The following GPR158 variants were observed in gnomAD, a reference collection of about 807,000 sequenced individuals.
GPR158 encodes metabotropic glycine receptor.
A neutral mutation model predicts 78.2 loss-of-function variants in GPR158; 30 were observed. The ratio of observed to expected loss-of-function variants is 0.38; its 90% confidence interval spans 0.29 to 0.52. The LOEUF (loss-of-function observed/expected upper bound fraction) is 0.52, where lower values mean the gene tolerates loss of function less well. Ranked by LOEUF, GPR158 falls within the 20% of genes least tolerant of loss-of-function variation. The pLI is 0.83. For missense variants in GPR158, 1,463 were observed against 1,523.5 expected, an observed-to-expected ratio of 0.96 and a Z score of 0.66; for synonymous variants, 581 against 591.1, an observed-to-expected ratio of 0.98 and a Z score of 0.25.
At chr10:25,508,140 CTTTT>C (rs1006313933) in intron 5 of GPR158, among the ~76,000 whole-genome samples, 1 of 151,984 alleles carries the variant, frequency 6.6e-6, no homozygotes, top group African/African-American at 2.4e-5. Context: ...AGAATTTAAT[CTTTT>C]TATTTATTTA....
chr10:25,437,760 G>C (rs1202177955), intron 4 of GPR158, among the ~76,000 whole-genome samples: 1 of 152,144 alleles, frequency 6.6e-6, no homozygotes, highest in African/African-American at 2.4e-5. Flanking sequence ...GCTCAAGAAG[G>C]ATTGGAGATG....
At chr10:25,272,628 T>C (rs1340908475) in intron 2 of GPR158, among the ~76,000 whole-genome samples, 1 of 152,196 alleles carries the variant, frequency 6.6e-6, no homozygotes, top group Admixed American at 6.5e-5. Context: ...ATGGATTGCT[T>C]CTCCCAGGAG....
intron 5 of GPR158, among the ~76,000 whole-genome samples, chr10:25,491,362 G>A (rs1453384137): frequency 6.6e-6 from 1 of 152,100 alleles, no homozygotes; most frequent in Non-Finnish European, 1.5e-5. Flanking sequence ...CCTCTGCTAT[G>A]GTAATTTTGG....
At chr10:25,476,582 C>T (rs1835590047) in intron 5 of GPR158, among the ~76,000 whole-genome samples, 1 of 152,082 alleles carries the variant, frequency 6.6e-6, no homozygotes, top group South Asian at 2.1e-4. Flanking sequence ...TTTCTCCAGC[C>T]TCTTTATTTT....
At chr10:25,436,587 T>C (rs1305833507) in intron 4 of GPR158, among the ~76,000 whole-genome samples, 1 of 152,212 alleles carries the variant, frequency 6.6e-6, no homozygotes, top group Non-Finnish European at 1.5e-5. Context: ...ATCATTGTCA[T>C]GCTACAGAAT....
At chr10:25,526,079 C>A (rs1836342905) in intron 5 of GPR158, among the ~76,000 whole-genome samples, 1 of 138,782 alleles carries the variant, frequency 7.2e-6, no homozygotes, top group Admixed American at 7.8e-5. Context: ...TGCACTCCAG[C>A]CTGGGCGACA....
At chr10:25,277,277 G>A (rs1305898406) in intron 2 of GPR158, among the ~76,000 whole-genome samples, 5 of 151,938 alleles carry the variant, frequency 3.3e-5, no homozygotes, top group African/African-American at 1.2e-4. Context: ...TTTATTCTTT[G>A]TAAAGAAAAC....
chr10:25,505,114 C>G (rs1384703651), intron 5 of GPR158, among the ~76,000 whole-genome samples: 1 of 152,170 alleles, frequency 6.6e-6, no homozygotes, highest in Non-Finnish European at 1.5e-5. Context: ...AGAACTGTGC[C>G]TAACACATAA....
chr10:25,202,153 A>G (rs182468778), intron 1 of GPR158, among the ~76,000 whole-genome samples: 40 of 151,804 alleles, frequency 2.6e-4, no homozygotes, highest in Admixed American at 2.4e-3. Flanking sequence ...TTACTTCTAT[A>G]CTTTTTATAC....
intron 2 of GPR158, among the ~76,000 whole-genome samples, chr10:25,353,953 G>C (rs1855511716): frequency 6.6e-6 from 1 of 151,950 alleles, no homozygotes; most frequent in Non-Finnish European, 1.5e-5. Flanking sequence ...GATTTTCTCA[G>C]GTAGTATGTC....
intron 7 of GPR158, among the ~76,000 whole-genome samples, chr10:25,583,196 T>A (rs1837225874): frequency 6.6e-6 from 1 of 152,104 alleles, no homozygotes; most frequent in African/African-American, 2.4e-5. Context: ...AGTTGTGAAA[T>A]GCACTGTAAC....
At chr10:25,364,441 A>G (rs1320602598) in intron 2 of GPR158, among the ~76,000 whole-genome samples, 2 of 151,906 alleles carry the variant, frequency 1.3e-5, no homozygotes, top group African/African-American at 4.8e-5. Context: ...ATCCGTGAAT[A>G]ATGATTTGAA....
chr10:25,336,340 G>C (rs1223730911), intron 2 of GPR158, among the ~76,000 whole-genome samples: 2 of 151,976 alleles, frequency 1.3e-5, no homozygotes, highest in Non-Finnish European at 2.9e-5. Flanking sequence ...TAATACCAAA[G>C]AATCATTTAC....
chr10:25,403,585 T>C (rs1256991427), intron 3 of GPR158, among the ~76,000 whole-genome samples: 1 of 152,092 alleles, frequency 6.6e-6, no homozygotes, highest in Admixed American at 6.6e-5. Flanking sequence ...ATTCTGTGCA[T>C]GGAGGATGTG....
chr10:25,601,242 A>G lies in GPR158; in HGVS notation c.*1968A>G, dbSNP rs1263069846. 6.6e-6 allele frequency: 1 copy of G among 152,586 alleles called. No homozygotes were observed. The highest frequency in any genetic ancestry group is 1.5e-5 in the Non-Finnish European group (1 of 68,022). 9.5% of individuals were successfully genotyped at this position (152,586 alleles called of 1,614,324 possible). On this transcript the variant is annotated 3_prime_UTR_variant, in exon 11 of 11. Coordinates refer to ENST00000376351, the MANE Select transcript of GPR158 (RefSeq NM_020752.3). ...TCACTGTTTCACAAAGCTGTGCGCA[A>G]ATCTTCCTCACCCATTTGCTGACTT... is the stretch of plus-strand genomic sequence containing the variant.
chr10:25,402,144 C>T (rs1159250310), intron 3 of GPR158, among the ~76,000 whole-genome samples: 1 of 152,050 alleles, frequency 6.6e-6, no homozygotes, highest in Admixed American at 6.6e-5. Flanking sequence ...ACTGAGGACA[C>T]AGCATTATTT....
At chr10:25,547,531 C>T (rs1264909957) in intron 5 of GPR158, among the ~76,000 whole-genome samples, 1 of 152,188 alleles carries the variant, frequency 6.6e-6, no homozygotes, top group African/African-American at 2.4e-5. Context: ...CGTTCTCGCT[C>T]ACTTGTCAGC....
At chr10:25,336,958 T>A (rs1406629578) in intron 2 of GPR158, among the ~76,000 whole-genome samples, 1 of 152,078 alleles carries the variant, frequency 6.6e-6, no homozygotes, top group Admixed American at 6.6e-5. Context: ...ATATTACTCA[T>A]TGTATATTTT....
At chr10:25,183,427 T>G (rs1852637883) in intron 1 of GPR158, among the ~76,000 whole-genome samples, 2 of 152,310 alleles carry the variant, frequency 1.3e-5, no homozygotes, top group African/African-American at 2.4e-5. Flanking sequence ...TCATTATAGG[T>G]AGAGCTCAGA....
Sources: gnomAD v4.1 joint callset for allele counts (sites outside exome capture counted in the v4.1 genomes callset) on GRCh38, gnomAD v4.1.1 for gene constraint, MANE v1.5 for transcripts, NCBI Gene and HGNC (gene_info 2026-07-23, HGNC 2026-07-21) for gene names.